Variants in LOC128706665 observed in about 807,000 individuals in gnomAD.
chr20:10,434,015 T>A, the LOC128706665 span: 2 of 152,316 alleles, frequency 1.3e-5, no homozygotes, highest in Non-Finnish European at 2.9e-5. Flanking sequence ...CGGTGACCTT[T>A]GGGGGTGGAG....
the LOC128706665 span, among the ~76,000 whole-genome samples, chr20:10,421,416 CAA>C: frequency 0.057 from 4,911 of 86,026 alleles, 187 homozygotes; most frequent in African/African-American, 0.17. Context: ...GACTCCATCA[CAA>C]AAAAAAAAAA....
At chr20:10,430,032 AAAAAAC>A in the LOC128706665 span, among the ~76,000 whole-genome samples, 2 of 113,102 alleles carry the variant, frequency 1.8e-5, no homozygotes, top group Non-Finnish European at 4.3e-5. Flanking sequence ...CTTGCAAAAC[AAAAAAC>A]AAAAAAACAA....
chr20:10,432,519 G>A, the LOC128706665 span, among the ~76,000 whole-genome samples: 1 of 151,938 alleles, frequency 6.6e-6, no homozygotes, highest in African/African-American at 2.4e-5. Context: ...TAGGCCAGAC[G>A]CCGTGGGTCA....
chr20:10,422,953 C>T, the LOC128706665 span, among the ~76,000 whole-genome samples: 10 of 152,004 alleles, frequency 6.6e-5, no homozygotes, highest in African/African-American at 1.2e-4. Context: ...CCTTGCGATC[C>T]GCTCGCCTCG....
chr20:10,428,805 T>C, the LOC128706665 span, among the ~76,000 whole-genome samples: 17 of 151,978 alleles, frequency 1.1e-4, no homozygotes, highest in East Asian at 1.4e-3. Flanking sequence ...GATCGCGCCA[T>C]TGCACTCCAG....
chr20:10,429,046 A>C, the LOC128706665 span, among the ~76,000 whole-genome samples: 2 of 152,216 alleles, frequency 1.3e-5, no homozygotes, highest in Non-Finnish European at 1.5e-5. Flanking sequence ...AAAGAGTCAA[A>C]AACAAATTCC....
At chr20:10,414,370 A>G in the LOC128706665 span, among the ~76,000 whole-genome samples, 1 of 151,760 alleles carries the variant, frequency 6.6e-6, no homozygotes, top group Non-Finnish European at 1.5e-5. Context: ...GGTTCAAGCA[A>G]TTCTCCTGCC....
the LOC128706665 span, among the ~76,000 whole-genome samples, chr20:10,420,156 C>T: frequency 6.6e-6 from 1 of 151,768 alleles, no homozygotes; most frequent in African/African-American, 2.4e-5. Flanking sequence ...GAAATGAATA[C>T]AATTAGTTTT....
chr20:10,433,157 C>T, the LOC128706665 span, among the ~76,000 whole-genome samples: 1 of 152,262 alleles, frequency 6.6e-6, no homozygotes, highest in Non-Finnish European at 1.5e-5. Context: ...GCGTGCGCCA[C>T]TGCGCCCGGC....
the LOC128706665 span, among the ~76,000 whole-genome samples, chr20:10,427,489 T>C: frequency 6.6e-6 from 1 of 152,248 alleles, no homozygotes; most frequent in Non-Finnish European, 1.5e-5. Context: ...GGAATTGTAC[T>C]ATGCCTTTTC....
the LOC128706665 span, among the ~76,000 whole-genome samples, chr20:10,426,120 T>C: frequency 6.6e-6 from 1 of 152,272 alleles, no homozygotes; most frequent in African/African-American, 2.4e-5. Context: ...TTTGCTTTCA[T>C]AGCAACTTTA....
At chr20:10,432,496 A>G in the LOC128706665 span, among the ~76,000 whole-genome samples, 1 of 152,164 alleles carries the variant, frequency 6.6e-6, no homozygotes, top group Non-Finnish European at 1.5e-5. Flanking sequence ...TCCCTGATTT[A>G]AAAATTGTGT....
chr20:10,424,582 CA>C, the LOC128706665 span, among the ~76,000 whole-genome samples: 46 of 142,042 alleles, frequency 3.2e-4, no homozygotes, highest in African/African-American at 4.9e-4. Context: ...GCTAGTTTTA[CA>C]AAAAAAAAAA....
chr20:10,420,372 G>C, the LOC128706665 span, among the ~76,000 whole-genome samples: 4 of 152,124 alleles, frequency 2.6e-5, no homozygotes, highest in African/African-American at 9.7e-5. Flanking sequence ...AACTTTTCTA[G>C]AAACAACTGC....
the LOC128706665 span, among the ~76,000 whole-genome samples, chr20:10,432,731 GGTTGCA>G: frequency 2.1e-5 from 3 of 141,422 alleles, no homozygotes; most frequent in Admixed American, 7.6e-5. Context: ...GGGAGGCGGA[GGTTGCA>G]CAGTGAGCAG....
the LOC128706665 span, among the ~76,000 whole-genome samples, chr20:10,433,106 C>A: frequency 6.3e-4 from 96 of 152,348 alleles, no homozygotes; most frequent in African/African-American, 2.1e-3. Context: ...AGGGCTCAAG[C>A]GATTCTCCTG....
the LOC128706665 span, among the ~76,000 whole-genome samples, chr20:10,415,890 G>A: frequency 6.6e-6 from 1 of 151,984 alleles, no homozygotes; most frequent in Admixed American, 6.6e-5. Flanking sequence ...ACTGAAAGTG[G>A]TAGTGACTCC....
the LOC128706665 span, among the ~76,000 whole-genome samples, chr20:10,424,013 T>C: frequency 6.6e-6 from 1 of 152,212 alleles, no homozygotes; most frequent in African/African-American, 2.4e-5. Context: ...AAGTAACTAT[T>C]TTCTGACAGA....
At chr20:10,425,032 A>T in the LOC128706665 span, among the ~76,000 whole-genome samples, 2 of 151,276 alleles carry the variant, frequency 1.3e-5, no homozygotes, top group African/African-American at 4.9e-5. Context: ...CCACCTAGGC[A>T]ACAAGAGCTA....
Sources: allele counts gnomAD v4.1 joint callset (sites outside exome capture counted in the v4.1 genomes callset), GRCh38; gene constraint gnomAD v4.1.1; transcripts MANE v1.5.